Variants in HS2ST1 observed in about 807,000 individuals in gnomAD.
HS2ST1 encodes heparan sulfate 2-O-sulfotransferase 1.
A neutral mutation model predicts 42.9 loss-of-function variants in HS2ST1; 18 were observed. That is an observed-to-expected ratio of 0.42 (90% CI 0.29 to 0.62). The LOEUF is 0.62. HS2ST1 is among the 20% of genes least tolerant of loss of function. HS2ST1 has a pLI of 0.21. For synonymous variants in HS2ST1, 146 were observed against 152.9 expected, an observed-to-expected ratio of 0.95 and a Z score of 0.33; for missense variants, 334 against 433.8, an observed-to-expected ratio of 0.77 and a Z score of 2.04.
intron 2 of HS2ST1, among the ~76,000 whole-genome samples, chr1:87,080,845 G>T (rs1344282264): frequency 6.6e-6 from 1 of 152,184 alleles, no homozygotes; most frequent in Non-Finnish European, 1.5e-5. Flanking sequence ...ACAAGGGGCA[G>T]AGCTCAGCTG....
At chr1:87,026,820 A>G (rs994012906) in intron 1 of HS2ST1, among the ~76,000 whole-genome samples, 3 of 151,922 alleles carry the variant, frequency 2.0e-5, no homozygotes, top group African/African-American at 7.3e-5. Context: ...ATATCAGAAA[A>G]CTTGATTATA....
At chr1:87,061,078 T>C (rs1651109027) in intron 1 of HS2ST1, among the ~76,000 whole-genome samples, 1 of 152,150 alleles carries the variant, frequency 6.6e-6, no homozygotes, top group South Asian at 2.1e-4. Context: ...GTTTAAAAGA[T>C]GTGTCTAATA....
intron 1 of HS2ST1, among the ~76,000 whole-genome samples, chr1:87,001,010 C>T (rs947015719): frequency 3.3e-5 from 5 of 152,124 alleles, no homozygotes; most frequent in African/African-American, 1.2e-4. Flanking sequence ...CCAGAAGCTT[C>T]ATCTTAAGTA....
chr1:87,047,552 G>A (rs1317266062), intron 1 of HS2ST1, among the ~76,000 whole-genome samples: 1 of 151,902 alleles, frequency 6.6e-6, no homozygotes, highest in Admixed American at 6.6e-5. Flanking sequence ...CTTATATTTA[G>A]GTCTGTGATT....
chr1:86,999,677 T>A (rs1425654182), intron 1 of HS2ST1, among the ~76,000 whole-genome samples: 1 of 109,406 alleles, frequency 9.1e-6, no homozygotes, highest in Non-Finnish European at 2.0e-5. Context: ...ATCGTCATTC[T>A]TTTCAAATTA....
chr1:86,942,040 CCTT>C (rs988820582), intron 1 of HS2ST1, among the ~76,000 whole-genome samples: 4 of 152,154 alleles, frequency 2.6e-5, no homozygotes. Context: ...TTGTTTTCAT[CCTT>C]CTGTGTTTGA....
At chr1:86,990,335 T>A (rs1293353188) in intron 1 of HS2ST1, among the ~76,000 whole-genome samples, 1 of 152,170 alleles carries the variant, frequency 6.6e-6, no homozygotes, top group East Asian at 1.9e-4. Flanking sequence ...GCCTAAACGT[T>A]CTATGTGTAA....
intron 1 of HS2ST1, among the ~76,000 whole-genome samples, chr1:86,958,858 A>C (rs1321420301): frequency 6.6e-6 from 1 of 152,244 alleles, no homozygotes; most frequent in Non-Finnish European, 1.5e-5. Flanking sequence ...AGCAAATCAA[A>C]TCCAAAAATG....
intron 1 of HS2ST1, among the ~76,000 whole-genome samples, chr1:86,973,898 T>A (rs1648312288): frequency 6.6e-6 from 1 of 152,174 alleles, no homozygotes; most frequent in Non-Finnish European, 1.5e-5. Flanking sequence ...TTGTGACAAT[T>A]TAGCATTTGC....
chr1:87,010,210 T>G (rs1256052726), intron 1 of HS2ST1, among the ~76,000 whole-genome samples: 1 of 152,174 alleles, frequency 6.6e-6, no homozygotes, highest in Non-Finnish European at 1.5e-5. Flanking sequence ...ACTGTAATAC[T>G]GTTTGTCACA....
chr1:87,040,281 G>A (rs181896631), intron 1 of HS2ST1, among the ~76,000 whole-genome samples: 271 of 152,106 alleles, frequency 1.8e-3, no homozygotes, highest in Non-Finnish European at 2.3e-3. Flanking sequence ...CCCCCTCCCC[G>A]CTCCCTGAAC....
chr1:86,926,056 C>G (rs564868714), intron 1 of HS2ST1, among the ~76,000 whole-genome samples: 1 of 152,246 alleles, frequency 6.6e-6, no homozygotes, highest in South Asian at 2.1e-4. Context: ...TTGAGGCTTG[C>G]TTTTAAGTTT....
intron 1 of HS2ST1, among the ~76,000 whole-genome samples, chr1:87,013,082 TC>T (rs1249308406): frequency 6.6e-6 from 1 of 152,214 alleles, no homozygotes; most frequent in Non-Finnish European, 1.5e-5. Context: ...ATGCAAGCTG[TC>T]TACCATTCTA....
chr1:86,962,898 T>C (rs957683064), intron 1 of HS2ST1, among the ~76,000 whole-genome samples: 1 of 152,186 alleles, frequency 6.6e-6, no homozygotes, highest in African/African-American at 2.4e-5. Context: ...GTAAGTTCCA[T>C]AAGTGAAAAT....
rs147387741 is a variant in HS2ST1 at position 86,927,396 on chromosome 1, T to C, written c.124+12236T>C. On this transcript the variant is annotated intron_variant, in intron 1 of 6. Coordinates refer to ENST00000370550, the MANE Select transcript of HS2ST1 (RefSeq NM_012262.4). ...AAGGAGAAGTCTTTTAAATTGTAAC[T>C]CTTGGCTTCTCCTGTGGGAAGGTAG... Among the ~76,000 whole-genome samples, 463 of 152,236 alleles carry C rather than the reference T, an allele frequency of 3.0e-3. 1 individual carries two copies. The highest frequency in any genetic ancestry group is 5.4e-3 in the Non-Finnish European group (368 of 68,000).
At chr1:87,045,760 G>A in intron 1 of HS2ST1, 1 of 924,906 alleles carries the variant, frequency 1.1e-6, no homozygotes, top group South Asian at 1.3e-5. Flanking sequence ...CTGAAAATAT[G>A]CATCCTGAGG....
intron 1 of HS2ST1, among the ~76,000 whole-genome samples, chr1:86,994,696 A>G (rs1484483632): frequency 6.6e-6 from 1 of 152,194 alleles, no homozygotes; most frequent in Non-Finnish European, 1.5e-5. Flanking sequence ...ATTCTGGGAC[A>G]AGTAAAAATG....
At chr1:87,035,374 C>G (rs530760004) in intron 1 of HS2ST1, among the ~76,000 whole-genome samples, 68 of 152,242 alleles carry the variant, frequency 4.5e-4, no homozygotes, top group African/African-American at 1.3e-3. Flanking sequence ...ACTTATTCTT[C>G]TTTAGGATTC....
At chr1:87,030,096 A>C (rs72955508) in intron 1 of HS2ST1, among the ~76,000 whole-genome samples, 2,592 of 152,326 alleles carry the variant, frequency 0.017, 80 homozygotes, top group African/African-American at 0.059. Context: ...TTGCTAAAAA[A>C]AATTACACAG....
Sources: gnomAD v4.1 joint callset for allele counts (sites outside exome capture counted in the v4.1 genomes callset) on GRCh38, gnomAD v4.1.1 for gene constraint, MANE v1.5 for transcripts, NCBI Gene and HGNC (gene_info 2026-07-23, HGNC 2026-07-21) for gene names.